The following TSC2 variants were observed in gnomAD, a reference collection of about 807,000 sequenced individuals.
TSC2 encodes TSC complex subunit 2.
Under a neutral mutation model 202.2 loss-of-function variants are expected in TSC2, and 29 were observed. The ratio of observed to expected loss-of-function variants is 0.14; its 90% confidence interval spans 0.11 to 0.20. The LOEUF (loss-of-function observed/expected upper bound fraction) is 0.20. Among genes scored for constraint, TSC2 ranks in the 10% least tolerant of loss-of-function variants. TSC2 has a pLI of 1.00. For synonymous variants in TSC2, 1,349 were observed against 1,044.0 expected (o/e 1.29, Z -5.63); for missense variants, 2,429 against 2,420.0 (o/e 1.00, Z -0.08).
At chr16:2,076,811 T>A in intron 25 of TSC2, 2 of 573,746 alleles carry the variant, frequency 3.5e-6, no homozygotes, top group Non-Finnish European at 3.1e-6. Flanking sequence ...GGCACCTACT[T>A]GTGGAATTGG....
rs2151078164 is a variant in TSC2 at position 2,056,666 on chromosome 16, C to T, written c.671C>T (p.Ala224Val). ...DIEVSLQVLD[A>V]VVCYNCLPAE... ...CAGGTCTCCCTGCAGGTGCTGGACG[C>T]CGTGGTCTGCTACAACTGCCTGCCG... The change falls in exon 8 of 42, where the codon GCC (alanine) becomes GTC (valine). Residue 224 changes from alanine to valine, a missense_variant. Transcript: ENST00000219476. The T allele has an allele frequency of 6.2e-7, 1 of 1,611,898 alleles. No individual in the cohort carries two copies. The highest frequency in any genetic ancestry group is 8.5e-7 in the Non-Finnish European group (1 of 1,180,022).
chr16:2,080,078 G>T, intron 29 of TSC2, 87 bp from the exon 30 acceptor site: 1 of 1,566,658 alleles, frequency 6.4e-7, no homozygotes, highest in Non-Finnish European at 8.8e-7. Flanking sequence ...GCACTAGCTT[G>T]CCAGGCTCGG....
intron 20 of TSC2, chr16:2,072,622 T>G (rs1259173978): frequency 1.1e-5 from 9 of 816,802 alleles, no homozygotes; most frequent in African/African-American, 1.7e-5. Context: ...ATCTGTGCTT[T>G]TCCTAAGTGG....
rs1596270677 is a variant in TSC2, at chr16:2,055,408, T to C, written c.488T>C (p.Phe163Ser). 6.2e-7 allele frequency: 1 copy of C among 1,614,116 alleles called. No homozygotes were observed. The highest frequency in any genetic ancestry group is 8.5e-7 in the Non-Finnish European group (1 of 1,179,962). The change falls in exon 6 of 42, where the codon TTT (phenylalanine) becomes TCT (serine). Residue 163 changes from phenylalanine (F) to serine (S), a missense_variant. Transcript: ENST00000219476. ...GCCGCCGCTTCTCCCCCAGCTGACT[T>C]TGTCCTGCAGTGGATGGATGTTGGC... is the stretch of plus-strand genomic sequence containing the variant. ...ITYLEEELADFVLQWMDVGLS... is the reference protein window; with the variant it reads ...ITYLEEELADSVLQWMDVGLS...
chr16:2,052,671 T>C (rs1298202304), intron 3 of TSC2, among the ~76,000 whole-genome samples: 1 of 152,180 alleles, frequency 6.6e-6, no homozygotes, highest in Non-Finnish European at 1.5e-5. Context: ...GCCTGTGGTC[T>C]GAAAGCCGTG....
At chr16:2,056,883 G>A in intron 8 of TSC2, 114 bp downstream of exon 8, 2 of 1,528,392 alleles carry the variant, frequency 1.3e-6, no homozygotes, top group Non-Finnish European at 1.8e-6. Context: ...ACAATGGCCT[G>A]TTGAGGGACG....
chr16:2,082,303 G>A, intron 31 of TSC2, 133 bp from the exon 32 acceptor site: 2 of 982,792 alleles, frequency 2.0e-6, no homozygotes, highest in East Asian at 2.4e-5. Context: ...GCTAGCACTG[G>A]GCCCCGTGCG....
intron 14 of TSC2, chr16:2,063,370 G>T (rs1020398549): frequency 1.9e-6 from 1 of 517,064 alleles, no homozygotes; most frequent in Non-Finnish European, 3.5e-6. Flanking sequence ...AGCCAGTCTT[G>T]CATGGGGACA....
chr16:2,058,928 G>T, intron 10 of TSC2, 55 bp downstream of exon 10: 1 of 1,578,616 alleles, frequency 6.3e-7, no homozygotes, highest in Non-Finnish European at 8.6e-7. Context: ...CTCCCCTCAC[G>T]CCTGCCCACC....
intron 4 of TSC2, chr16:2,053,751 GT>G (rs1331943059): frequency 1.7e-6 from 1 of 576,242 alleles, no homozygotes; most frequent in East Asian, 3.8e-5. Context: ...GGCAGCTGGT[GT>G]GGGGCTACGG....
rs530048240 is a variant in TSC2, at chr16:2,074,447, C to T, written c.2545+58C>T. ...AGAGGTTCGGGCTGTGTAACCTGTG[C>T]GGGCTTCTCTGGTGCCCTCTCTCAG... On this transcript the variant is annotated intron_variant, in intron 22 of 41. Coordinates refer to ENST00000219476, the MANE Select transcript of TSC2 (RefSeq NM_000548.5). 1.1e-5 allele frequency: 17 copies of T among 1,591,028 alleles called. 1 individual carries two copies. Among genetic ancestry groups the T allele is most frequent in the East Asian group, 9.0e-5 (4 of 44,650 alleles).
chr16:2,078,901 G>T, intron 26 of TSC2, 131 bp from the exon 27 acceptor site: 1 of 1,231,392 alleles, frequency 8.1e-7, no homozygotes, highest in Non-Finnish European at 1.2e-6. Flanking sequence ...TCGCTGGGCC[G>T]CCCACGCCCT....
intron 29 of TSC2, 71 bp from the exon 30 acceptor site, chr16:2,080,094 G>A (rs2089940541): frequency 3.8e-6 from 6 of 1,593,462 alleles, no homozygotes; most frequent in Non-Finnish European, 4.3e-6. Flanking sequence ...CTCGGGGGGA[G>A]CATTCAGCTT....
At chr16:2,075,568 C>G (rs1596363544) in intron 22 of TSC2, among the ~76,000 whole-genome samples, 1 of 150,704 alleles carries the variant, frequency 6.6e-6, no homozygotes, top group Non-Finnish European at 1.5e-5. Context: ...GGAAGCCTTT[C>G]CTCACGGATC....
chr16:2,070,491 G>A lies in TSC2; in HGVS notation c.1752G>A (p.Thr584=), dbSNP rs141285742. Residue 584 remains threonine, a synonymous_variant, in exon 17 of 42, where the codon ACG becomes ACA. Coordinates refer to ENST00000219476, the MANE Select transcript of TSC2 (RefSeq NM_000548.5). ...KLYTLPASHA[T]RVYEMLVSHI... ...ACACCCTGCCTGCAAGCCACGCCAC[G>A]CGTGTGTATGAGATGCTGGTCAGCC... The A allele has an allele frequency of 6.6e-5, 106 of 1,613,270 alleles. No individual in the cohort carries two copies. The highest frequency in any genetic ancestry group is 3.3e-4 in the Middle Eastern group (2 of 6,084).
chr16:2,080,698 A>C (rs192130878), intron 30 of TSC2: 12 of 343,636 alleles, frequency 3.5e-5, no homozygotes, highest in Admixed American at 1.3e-4. Flanking sequence ...GTTAGCCAGG[A>C]TGGTCTCAAT....
chr16:2,081,082 C>T (rs145232973), intron 30 of TSC2: 334 of 238,030 alleles, frequency 1.4e-3, no homozygotes, highest in Middle Eastern at 4.8e-3. Context: ...CGCTCTGGTC[C>T]CTTGCTAGCC....
At chr16:2,065,772 A>C in intron 16 of TSC2, 137 bp downstream of exon 16, 8 of 767,660 alleles carry the variant, frequency 1.0e-5, no homozygotes, top group Non-Finnish European at 1.8e-5. Flanking sequence ...CGGTGGTCTC[A>C]GCAGGCAGCA....
intron 25 of TSC2, among the ~76,000 whole-genome samples, chr16:2,077,183 C>T (rs1297841179): frequency 1.3e-5 from 2 of 152,234 alleles, no homozygotes; most frequent in African/African-American, 4.8e-5. Context: ...GGTCTCTTTT[C>T]CTAGTGACCT....
Sources: allele counts gnomAD v4.1 joint callset (sites outside exome capture counted in the v4.1 genomes callset), GRCh38; gene constraint gnomAD v4.1.1; transcripts MANE v1.5; gene names NCBI Gene and HGNC (gene_info 2026-07-23, HGNC 2026-07-21).